Variants in SORCS3 observed in about 807,000 individuals in gnomAD.
The protein encoded by SORCS3 is sortilin related VPS10 domain containing receptor 3.
SORCS3 carries 57 observed loss-of-function variants against 146.3 expected under a neutral mutation model. The ratio of observed to expected loss-of-function variants is 0.39; its 90% CI spans 0.31 to 0.49. SORCS3 has a LOEUF of 0.49. Among genes scored for constraint, SORCS3 ranks in the 20% least tolerant of loss-of-function variants. The pLI is 0.92. For synonymous variants in SORCS3, 653 were observed against 618.5 expected (o/e 1.06, Z -0.83); for missense variants, 1,341 against 1,575.5 (o/e 0.85, Z 2.52).
At chr10:104,962,880 A>G (rs2054804411) in intron 3 of SORCS3, among the ~76,000 whole-genome samples, 1 of 152,246 alleles carries the variant, frequency 6.6e-6, no homozygotes, top group Non-Finnish European at 1.5e-5. Flanking sequence ...TCTACTATGG[A>G]TAAGTACAGA....
At chr10:104,771,832 G>A (rs2017253243) in intron 1 of SORCS3, among the ~76,000 whole-genome samples, 1 of 151,614 alleles carries the variant, frequency 6.6e-6, no homozygotes, top group Non-Finnish European at 1.5e-5. Flanking sequence ...GGACGATGGG[G>A]GAGGGAAAGT....
chr10:104,641,408 G>C lies in SORCS3; in HGVS notation c.81G>C (p.Thr27=). ...LVRTGLLLLS[T]WVLAGAEITW... is the part of the protein sequence containing the mutation. The stretch of plus-strand genomic sequence containing the variant: ...GGACGGGGCTCCTACTCTTGTCGAC[G>C]TGGGTCCTGGCCGGCGCCGAGATCA... The change falls in exon 1 of 27, where the codon ACG becomes ACC. Residue 27 remains threonine, a synonymous_variant. Coordinates refer to ENST00000369701, the MANE Select transcript of SORCS3 (RefSeq NM_014978.3). This position sits in a 1 kb window ranked among gnomAD's most constrained non-coding sequence, Gnocchi z 6.4. 1 of 1,463,044 alleles carries C rather than the reference G, an allele frequency of 6.8e-7. No individual in the cohort carries two copies. The highest frequency in any genetic ancestry group is 9.0e-7 in the Non-Finnish European group (1 of 1,113,516). The allele number at this position is 1,463,044 out of a possible 1,614,324, so 90.6% of individuals were successfully genotyped here.
intron 4 of SORCS3, among the ~76,000 whole-genome samples, chr10:105,002,058 G>A (rs931870588): frequency 6.6e-6 from 1 of 152,136 alleles, no homozygotes; most frequent in Non-Finnish European, 1.5e-5. Context: ...AAATCAAAAT[G>A]AGAGAGATCA....
chr10:104,700,877 C>T (rs1442127811), intron 1 of SORCS3, among the ~76,000 whole-genome samples: 1 of 152,130 alleles, frequency 6.6e-6, no homozygotes. Flanking sequence ...AACCACAGCC[C>T]AAGCTTTTTA....
intron 2 of SORCS3, among the ~76,000 whole-genome samples, chr10:104,855,452 A>G (rs2018319916): frequency 6.6e-6 from 1 of 152,232 alleles, no homozygotes; most frequent in Admixed American, 6.5e-5. Context: ...TGAATCCATG[A>G]ACATGGTGGT....
chr10:105,045,527 A>AT (rs375814707), intron 5 of SORCS3, among the ~76,000 whole-genome samples: 15 of 151,348 alleles, frequency 9.9e-5, no homozygotes, highest in Admixed American at 1.3e-4. Context: ...TTACATAGAC[A>AT]TTTTTTTTTA....
intron 2 of SORCS3, among the ~76,000 whole-genome samples, chr10:104,882,041 A>T (rs184253395): frequency 1.3e-5 from 2 of 152,314 alleles, no homozygotes; most frequent in Admixed American, 1.3e-4. Flanking sequence ...TGCTCAGTGG[A>T]TGCACAGTGA....
intron 1 of SORCS3, among the ~76,000 whole-genome samples, chr10:104,817,391 CCTCCTT>C (rs1375790399): frequency 1.1e-3 from 104 of 99,042 alleles, no homozygotes; most frequent in Non-Finnish European, 2.0e-3. Flanking sequence ...CCCTCCTCCT[CCTCCTT>C]CCCCCTCCTC....
At chr10:104,851,007 T>C (rs971766594) in intron 2 of SORCS3, among the ~76,000 whole-genome samples, 4 of 152,214 alleles carry the variant, frequency 2.6e-5, no homozygotes, top group African/African-American at 9.6e-5. Flanking sequence ...AGAACACCTG[T>C]CTAAACTACT....
At chr10:104,761,753 G>T (rs2017124506) in intron 1 of SORCS3, among the ~76,000 whole-genome samples, 1 of 152,120 alleles carries the variant, frequency 6.6e-6, no homozygotes, top group Non-Finnish European at 1.5e-5. Flanking sequence ...AATGGGGGCT[G>T]GATGGACTGG....
intron 1 of SORCS3, among the ~76,000 whole-genome samples, chr10:104,787,159 A>G (rs2017446635): frequency 6.6e-6 from 1 of 151,960 alleles, no homozygotes; most frequent in Non-Finnish European, 1.5e-5. Flanking sequence ...TTAGGATTTG[A>G]CTCATCAGTT....
chr10:104,898,184 T>C (rs1045057278), intron 2 of SORCS3, among the ~76,000 whole-genome samples: 1 of 152,224 alleles, frequency 6.6e-6, no homozygotes, highest in African/African-American at 2.4e-5. Context: ...GAAAATCTCT[T>C]GGTCTCTCCA....
chr10:104,889,438 C>A (rs996888691), intron 2 of SORCS3, among the ~76,000 whole-genome samples: 5 of 147,230 alleles, frequency 3.4e-5, no homozygotes, highest in African/African-American at 1.3e-4. Flanking sequence ...TTCCATTTTC[C>A]CTCCTTTTGG....
intron 2 of SORCS3, among the ~76,000 whole-genome samples, chr10:104,900,057 T>A (rs1377533543): frequency 6.6e-6 from 1 of 152,186 alleles, no homozygotes; most frequent in Non-Finnish European, 1.5e-5. Flanking sequence ...TTCTTTCCAG[T>A]CTTGCTTCCC....
At chr10:105,022,454 C>T (rs1263347015) in intron 4 of SORCS3, among the ~76,000 whole-genome samples, 5 of 138,408 alleles carry the variant, frequency 3.6e-5, no homozygotes, top group East Asian at 2.0e-4. Context: ...CCCACCACCA[C>T]GCCCAGCTAA....
chr10:104,718,605 A>G (rs111941515), intron 1 of SORCS3, among the ~76,000 whole-genome samples: 72 of 152,252 alleles, frequency 4.7e-4, no homozygotes, highest in African/African-American at 1.7e-3. Flanking sequence ...ACCCTTCCCT[A>G]TGGTATCTAC....
At chr10:105,060,274 A>G (rs1332800806) in intron 5 of SORCS3, among the ~76,000 whole-genome samples, 1 of 152,120 alleles carries the variant, frequency 6.6e-6, no homozygotes, top group Non-Finnish European at 1.5e-5. Flanking sequence ...ACAGAAAAGC[A>G]TGAGGTGTGT....
chr10:104,787,555 C>T (rs1304698180), intron 1 of SORCS3, among the ~76,000 whole-genome samples: 1 of 151,928 alleles, frequency 6.6e-6, no homozygotes, highest in Non-Finnish European at 1.5e-5. Context: ...GTACTTTGAA[C>T]TTAGCTGCAA....
intron 4 of SORCS3, among the ~76,000 whole-genome samples, chr10:105,032,291 T>C (rs2055273792): frequency 6.6e-6 from 1 of 152,214 alleles, no homozygotes; most frequent in African/African-American, 2.4e-5. Context: ...CTTTGAGATT[T>C]TGAGCAAGTT....
Sources: gnomAD v4.1 joint callset for allele counts (sites outside exome capture counted in the v4.1 genomes callset) on GRCh38, gnomAD v4.1.1 for gene constraint, Gnocchi (gnomAD v3.1) non-coding constraint, MANE v1.5 for transcripts, NCBI Gene and HGNC (gene_info 2026-07-23, HGNC 2026-07-21) for gene names.